Variants in SLC9C1 observed in about 807,000 individuals in gnomAD.
SLC9C1 encodes the protein solute carrier family 9 member C1.
In SLC9C1, 97 loss-of-function variants were observed where a neutral mutation model predicts 140.9. The ratio of observed to expected loss-of-function variants is 0.69; its 90% confidence interval spans 0.58 to 0.82. SLC9C1 has a LOEUF of 0.82. Among genes scored for constraint, SLC9C1 ranks in the 40% least tolerant of loss-of-function variants. The probability of loss-of-function intolerance (pLI) is 0.00; values close to 1 mark genes in which losing one functional copy is unlikely to be tolerated. For synonymous variants in SLC9C1, 440 were observed against 442.6 expected, an observed-to-expected ratio of 0.99 and a Z score of 0.07; for missense variants, 1,340 against 1,389.3, an observed-to-expected ratio of 0.96 and a Z score of 0.56.
intron 20 of SLC9C1, among the ~76,000 whole-genome samples, chr3:112,191,240 GT>G (rs2107996190): frequency 6.6e-6 from 1 of 152,168 alleles, no homozygotes; most frequent in Non-Finnish European, 1.5e-5. Flanking sequence ...CCAGTACTAT[GT>G]TGAAAATAAG....
intron 12 of SLC9C1, 48 bp downstream of exon 12, chr3:112,239,792 T>C (rs2079091406): frequency 6.8e-7 from 1 of 1,472,782 alleles, no homozygotes; most frequent in Non-Finnish European, 9.2e-7. Context: ...TATACTTCAG[T>C]ATAATCAAAT....
chr3:112,267,088 G>A (rs1351769241), intron 7 of SLC9C1, among the ~76,000 whole-genome samples: 1 of 152,042 alleles, frequency 6.6e-6, no homozygotes, highest in Non-Finnish European at 1.5e-5. Flanking sequence ...GGCTGGCCTA[G>A]GCAACATAAT....
chr3:112,219,776 T>C (rs2078489574), intron 14 of SLC9C1, among the ~76,000 whole-genome samples: 1 of 152,114 alleles, frequency 6.6e-6, no homozygotes, highest in East Asian at 1.9e-4. Context: ...AGACAGGGTT[T>C]CACCATATTG....
At chr3:112,189,952 C>T (rs1271511266) in intron 20 of SLC9C1, among the ~76,000 whole-genome samples, 2 of 152,054 alleles carry the variant, frequency 1.3e-5, no homozygotes, top group East Asian at 3.8e-4. Context: ...CCTTCACATC[C>T]CTTGTAAGTT....
At chr3:112,146,784 G>A (rs968224844) in intron 28 of SLC9C1, among the ~76,000 whole-genome samples, 13 of 152,112 alleles carry the variant, frequency 8.5e-5, no homozygotes, top group African/African-American at 3.1e-4. Context: ...TATACATTGT[G>A]GTTGATGGGT....
chr3:112,286,021 C>T (rs2108362365), intron 2 of SLC9C1, among the ~76,000 whole-genome samples: 1 of 152,264 alleles, frequency 6.6e-6, no homozygotes, highest in South Asian at 2.1e-4. Flanking sequence ...ATCTCAGCCT[C>T]CCAAAGTGTT....
rs781036743 is a variant in SLC9C1, at chr3:112,244,085, G to GA, written c.1198-10dup. On this transcript the variant is annotated splice_polypyrimidine_tract_variant and intron_variant, in intron 10 of 28. Transcript: ENST00000305815. Reference sequence around the variant, plus strand: ...ACTCCATGAAATAATATCTAGAATTGAAAAAAATACAAAGTAAGTATTCAT... The same window carrying GA: ...ACTCCATGAAATAATATCTAGAATTGAAAAAAAATACAAAGTAAGTATTCAT... 59 of 1,532,124 alleles carry GA rather than the reference G, an allele frequency of 3.9e-5. No individual in the cohort carries two copies. Among genetic ancestry groups the GA allele is most frequent in the Non-Finnish European group, 4.4e-5 (49 of 1,121,360 alleles). 94.9% of individuals were successfully genotyped at this position (1,532,124 alleles called of 1,614,324 possible).
chr3:112,282,348 G>A (rs2080380830), intron 2 of SLC9C1, among the ~76,000 whole-genome samples: 1 of 149,490 alleles, frequency 6.7e-6, no homozygotes, highest in Admixed American at 6.8e-5. Context: ...AATGGCAACA[G>A]CTTTTGGATG....
intron 19 of SLC9C1, among the ~76,000 whole-genome samples, chr3:112,199,861 C>T (rs1252580053): frequency 6.6e-6 from 1 of 152,008 alleles, no homozygotes; most frequent in Non-Finnish European, 1.5e-5. Context: ...TTAAATACGG[C>T]TTCTGATTAC....
intron 2 of SLC9C1, among the ~76,000 whole-genome samples, chr3:112,284,334 A>T (rs2080443023): frequency 6.6e-6 from 1 of 152,228 alleles, no homozygotes; most frequent in Non-Finnish European, 1.5e-5. Context: ...AATCAGTTTG[A>T]CTAGCATTCA....
At chr3:112,165,651 C>T (rs182623477) in intron 26 of SLC9C1, among the ~76,000 whole-genome samples, 2 of 152,282 alleles carry the variant, frequency 1.3e-5, no homozygotes, top group East Asian at 1.9e-4. Context: ...AGAGGAGTAC[C>T]TAGCCATTTG....
Position 112,203,277 on chromosome 3 carries a change from T to C in SLC9C1, c.2173-878A>G, listed in dbSNP as rs528739839. ...ATCAACAAACTTTTCTAAGTTGTTTTATTAGTTTCTTCATCTGAACTATTT... is the reference window on the plus strand; with the variant it reads ...ATCAACAAACTTTTCTAAGTTGTTTCATTAGTTTCTTCATCTGAACTATTT... On this transcript the variant is annotated intron_variant, in intron 17 of 28. Transcript: ENST00000305815. 2.0e-5 allele frequency among the ~76,000 whole-genome samples: 3 copies of C among 152,174 alleles called. No homozygotes were observed. The East Asian group carries it at 5.8e-4, about 29-fold the overall frequency.
chr3:112,269,971 A>G lies in SLC9C1; in HGVS notation c.720T>C (p.Asp240=). The change falls in exon 7 of 29, where the codon GAT becomes GAC. Residue 240 remains aspartate, a synonymous_variant. Coordinates refer to ENST00000305815, the MANE Select transcript of SLC9C1 (RefSeq NM_183061.3). Reference sequence around the variant, plus strand: ...AGATGAGACTTATATGATTGACATCATCACCAAAAACAGTTGACATCCAAA... The same window carrying G: ...AGATGAGACTTATATGATTGACATCGTCACCAAAAACAGTTGACATCCAAA... ...IQFWMSTVFG[D]DVNHISLIFS... 6.2e-7 allele frequency: 1 copy of G among 1,600,454 alleles called. No individual in the cohort carries two copies. Among genetic ancestry groups the G allele is most frequent in the Non-Finnish European group, 8.5e-7 (1 of 1,174,410 alleles).
At position 112,199,315 on chromosome 3, in the gene SLC9C1, C is replaced by T; in HGVS notation, c.2523+6G>A. The T allele has an allele frequency of 6.5e-7, 1 of 1,548,216 alleles. No homozygotes were observed. The highest frequency in any genetic ancestry group is 8.7e-7 in the Non-Finnish European group (1 of 1,151,082). ...ATATACTTGCTTTGAAAATATTTTGCCTTACCTTATTAATTCCAGCACCTT... is the reference window on the plus strand; with the variant it reads ...ATATACTTGCTTTGAAAATATTTTGTCTTACCTTATTAATTCCAGCACCTT... On this transcript the variant is annotated splice_donor_region_variant and intron_variant, in intron 20 of 28. Coordinates refer to ENST00000305815, the MANE Select transcript of SLC9C1 (RefSeq NM_183061.3).
chr3:112,283,524 T>C (rs370739945), intron 2 of SLC9C1, among the ~76,000 whole-genome samples: 2 of 151,496 alleles, frequency 1.3e-5, no homozygotes, highest in African/African-American at 4.9e-5. Context: ...CAAATCCTAA[T>C]TTGAAGAATT....
chr3:112,168,887 G>C lies in SLC9C1; in HGVS notation c.3227C>G (p.Thr1076Arg). The change falls in exon 25 of 29, where the codon ACA (threonine) becomes AGA (arginine). Residue 1076 changes from threonine (T) to arginine (R), a missense_variant. By Grantham distance (71) the Thr-to-Arg change is moderately conservative (BLOSUM62 -1). Coordinates refer to ENST00000305815, the MANE Select transcript of SLC9C1 (RefSeq NM_183061.3). ...TYRAPFLIPI[T>R]CHQIQSIEDF... ...TCAATATTTCTTTACCTGATGGCAT[G>C]TTATAGGAATTAAGAAAGGTGCTCT... The C allele has an allele frequency of 6.3e-7, 1 of 1,590,452 alleles. No individual in the cohort carries two copies. Among genetic ancestry groups the C allele is most frequent in the Non-Finnish European group, 8.5e-7 (1 of 1,171,766 alleles).
chr3:112,208,387 A>C lies in SLC9C1; in HGVS notation c.1791-14T>G. The C allele has an allele frequency of 6.7e-7, 1 of 1,494,262 alleles. No individual in the cohort carries two copies. Among genetic ancestry groups the C allele is most frequent in the Non-Finnish European group, 9.0e-7 (1 of 1,109,578 alleles). The allele number at this position is 1,494,262 out of a possible 1,614,324, so 92.6% of individuals were successfully genotyped here. On this transcript the variant is annotated splice_polypyrimidine_tract_variant and intron_variant, in intron 15 of 28. Coordinates refer to ENST00000305815, the MANE Select transcript of SLC9C1 (RefSeq NM_183061.3). ...AAAAAGAAGTATCTGTAAAACAAAA[A>C]GACAGTTTTATCTGATAAAAGGTTT... is the stretch of plus-strand genomic sequence containing the variant.
At chr3:112,143,945 T>G (rs2074707574) in intron 28 of SLC9C1, among the ~76,000 whole-genome samples, 1 of 152,110 alleles carries the variant, frequency 6.6e-6, no homozygotes, top group South Asian at 2.1e-4. Context: ...TGAAATAGTT[T>G]CAGTTTCATT....
intron 13 of SLC9C1, among the ~76,000 whole-genome samples, chr3:112,230,636 T>C (rs2078795320): frequency 6.6e-6 from 1 of 152,126 alleles, no homozygotes; most frequent in Non-Finnish European, 1.5e-5. Flanking sequence ...CCCACTTCCC[T>C]AGTTAGACTG....
Sources: allele counts gnomAD v4.1 joint callset (sites outside exome capture counted in the v4.1 genomes callset), GRCh38; gene constraint gnomAD v4.1.1; transcripts MANE v1.5; gene names NCBI Gene and HGNC (gene_info 2026-07-23, HGNC 2026-07-21).